The following AK5 variants were observed in gnomAD, a reference collection of about 807,000 sequenced individuals.
AK5 encodes adenylate kinase 5, also known as adenylate kinase isoenzyme 5.
In AK5, 27 loss-of-function variants were observed where a neutral mutation model predicts 69.5. The ratio of observed to expected loss-of-function variants is 0.39; its 90% confidence interval spans 0.29 to 0.54. The LOEUF is 0.54. Ranked by LOEUF, AK5 falls within the 20% of genes least tolerant of loss-of-function variation. The pLI is 0.71. For missense variants in AK5, 531 were observed against 700.4 expected, an observed-to-expected ratio of 0.76 and a Z score of 2.73; for synonymous variants, 260 against 244.4, an observed-to-expected ratio of 1.06 and a Z score of -0.60.
chr1:77,458,868 T>C (rs1232543659), intron 8 of AK5, among the ~76,000 whole-genome samples: 1 of 152,168 alleles, frequency 6.6e-6, no homozygotes, highest in Non-Finnish European at 1.5e-5. Flanking sequence ...GGGAGTGGCA[T>C]TATTTAGCTT....
chr1:77,292,614 A>G (rs1480854850), intron 2 of AK5, among the ~76,000 whole-genome samples: 5 of 152,126 alleles, frequency 3.3e-5, no homozygotes, highest in African/African-American at 4.8e-5. Context: ...GCCATAAACT[A>G]TATATCGACA....
intron 1 of AK5, chr1:77,283,439 C>T (rs1003019934): frequency 5.1e-6 from 5 of 985,356 alleles, no homozygotes; most frequent in African/African-American, 1.7e-5. Flanking sequence ...GTTTTTCCCC[C>T]CGGTTTGGGG....
intron 6 of AK5, among the ~76,000 whole-genome samples, chr1:77,380,204 T>C (rs905590255): frequency 4.6e-5 from 7 of 151,922 alleles, no homozygotes; most frequent in African/African-American, 1.7e-4. Flanking sequence ...GCCCTGGAGG[T>C]TGGAAGGATA....
chr1:77,539,793 C>T (rs1055503583), intron 13 of AK5, among the ~76,000 whole-genome samples: 1 of 152,188 alleles, frequency 6.6e-6, no homozygotes, highest in Non-Finnish European at 1.5e-5. Context: ...TCCTGTGATG[C>T]TGTTTGGATT....
At chr1:77,308,271 G>C (rs1659752417) in intron 5 of AK5, among the ~76,000 whole-genome samples, 1 of 151,996 alleles carries the variant, frequency 6.6e-6, no homozygotes, top group South Asian at 2.1e-4. Flanking sequence ...CCCCAGGCCT[G>C]TCATTTTAAA....
chr1:77,291,966 G>A (rs1191167923), intron 2 of AK5, among the ~76,000 whole-genome samples: 6 of 152,300 alleles, frequency 3.9e-5, no homozygotes, highest in Middle Eastern at 3.4e-3. Context: ...GAAGCAGTCA[G>A]CCATGGGAGC....
chr1:77,414,411 A>G (rs1478952207), intron 7 of AK5, among the ~76,000 whole-genome samples: 4 of 152,146 alleles, frequency 2.6e-5, no homozygotes, highest in Non-Finnish European at 5.9e-5. Context: ...GGGGTACTCA[A>G]AGTGGGAGGA....
At chr1:77,295,748 T>A (rs1658966952) in intron 3 of AK5, among the ~76,000 whole-genome samples, 1 of 152,184 alleles carries the variant, frequency 6.6e-6, no homozygotes, top group South Asian at 2.1e-4. Context: ...GAAGCTCGAT[T>A]GTTCATGAAA....
At chr1:77,282,910 C>A in intron 1 of AK5, 1 of 986,014 alleles carries the variant, frequency 1.0e-6, no homozygotes, top group Non-Finnish European at 1.2e-6. Context: ...TATCAAGTGC[C>A]ACCTCCCCGG....
intron 10 of AK5, among the ~76,000 whole-genome samples, chr1:77,496,888 T>G (rs913216400): frequency 4.4e-4 from 67 of 152,002 alleles, no homozygotes; most frequent in African/African-American, 1.4e-3. Context: ...TAAAATGGAC[T>G]AATTGGCACG....
At chr1:77,423,673 C>T (rs2100595456) in intron 8 of AK5, among the ~76,000 whole-genome samples, 1 of 152,048 alleles carries the variant, frequency 6.6e-6, no homozygotes, top group African/African-American at 2.4e-5. Context: ...GTGATAATAG[C>T]TGGAGGTTCA....
chr1:77,330,390 A>G (rs895043012), intron 5 of AK5, among the ~76,000 whole-genome samples: 1 of 152,190 alleles, frequency 6.6e-6, no homozygotes, highest in South Asian at 2.1e-4. Flanking sequence ...TTAGATCTGA[A>G]AATCCATCTA....
At chr1:77,435,563 G>T (rs767642248) in intron 8 of AK5, among the ~76,000 whole-genome samples, 10 of 151,096 alleles carry the variant, frequency 6.6e-5, no homozygotes, top group Admixed American at 6.6e-4. Flanking sequence ...CAGGAGAATC[G>T]TTTGAACCCG....
chr1:77,283,510 T>C, intron 1 of AK5: 3 of 985,450 alleles, frequency 3.0e-6, no homozygotes, highest in Non-Finnish European at 3.6e-6. Flanking sequence ...TGCCTCAGTT[T>C]CCCTAAACTA....
intron 8 of AK5, among the ~76,000 whole-genome samples, chr1:77,440,560 G>C (rs537202199): frequency 8.5e-5 from 13 of 152,152 alleles, no homozygotes; most frequent in Admixed American, 8.5e-4. Context: ...CATTAAATAG[G>C]CTTTTTTACA....
chr1:77,433,097 A>C (rs1651746058), intron 8 of AK5, among the ~76,000 whole-genome samples: 1 of 152,166 alleles, frequency 6.6e-6, no homozygotes, highest in Admixed American at 6.5e-5. Flanking sequence ...TCATCTTCTA[A>C]GGCGGCAAGC....
At chr1:77,476,464 A>C (rs1654941368) in intron 8 of AK5, among the ~76,000 whole-genome samples, 1 of 146,910 alleles carries the variant, frequency 6.8e-6, no homozygotes, top group Admixed American at 7.0e-5. Context: ...TTTTCCAGTA[A>C]AACCTGTAAA....
At position 77,294,716 on chromosome 1, in the gene AK5, A is replaced by G. The variant is rs575928093; in HGVS notation, c.415+756A>G. On this transcript the variant is annotated intron_variant, in intron 3 of 13. Coordinates refer to ENST00000354567, the MANE Select transcript of AK5 (RefSeq NM_174858.3). ...CTATGAATCTTATGTTAAATATGGA[A>G]TTATCGGCCCCATGACATTTCACAA... 4.6e-5 allele frequency among the ~76,000 whole-genome samples: 7 copies of G among 152,250 alleles called. No individual in the cohort carries two copies. In the South Asian group the frequency reaches 1.5e-3, roughly 32 times the overall value.
intron 6 of AK5, among the ~76,000 whole-genome samples, chr1:77,371,960 G>A (rs1386093203): frequency 6.6e-6 from 1 of 152,176 alleles, no homozygotes; most frequent in Admixed American, 6.5e-5. Context: ...AGAAAGACTT[G>A]CACTTCCCCA....
Sources: gnomAD v4.1 joint callset for allele counts (sites outside exome capture counted in the v4.1 genomes callset) on GRCh38, gnomAD v4.1.1 for gene constraint, MANE v1.5 for transcripts, NCBI Gene and HGNC (gene_info 2026-07-23, HGNC 2026-07-21) for gene names.